The following IL1RAPL1 variants were observed in gnomAD, a reference collection of about 807,000 sequenced individuals.
IL1RAPL1 encodes the protein interleukin 1 receptor accessory protein like 1.
IL1RAPL1 carries 3 observed loss-of-function variants against 48.4 expected under a neutral mutation model. The ratio of observed to expected loss-of-function variants is 0.06; its 90% CI spans 0.03 to 0.16. The LOEUF (loss-of-function observed/expected upper bound fraction) is 0.16, where lower values mean the gene tolerates loss of function less well. Ranked by LOEUF, IL1RAPL1 falls within the 10% of genes least tolerant of loss-of-function variation. The pLI is 1.00. For missense variants in IL1RAPL1, 349 were observed against 530.6 expected (o/e 0.66, Z 3.36); for synonymous variants, 185 against 187.7 (o/e 0.99, Z 0.12).
intron 2 of IL1RAPL1, among the ~76,000 whole-genome samples, chrX:29,200,688 C>A (rs1209238993): frequency 9.0e-6 from 1 of 111,550 alleles, no homozygotes. Flanking sequence ...GTAATGATTG[C>A]TTTCTCTACT....
At chrX:29,134,671 G>T (rs767844165) in intron 2 of IL1RAPL1, among the ~76,000 whole-genome samples, 1 of 110,818 alleles carries the variant, frequency 9.0e-6, no homozygotes, top group Non-Finnish European at 1.9e-5. Flanking sequence ...AATCCCTCAG[G>T]ACTCAAAAAG....
chrX:28,785,554 C>G lies in IL1RAPL1; in HGVS notation c.-24-3766C>G, dbSNP rs148560730. On this transcript the variant is annotated intron_variant, in intron 1 of 10. Transcript: ENST00000378993. ...CTGTGGCTTGCTTTTCTCACTTTTT[C>G]TCCCTCTTGATTCATTTTGCCTGTC... 2.6e-3 allele frequency among the ~76,000 whole-genome samples: 286 copies of G among 111,948 alleles called. 2 individuals carry two copies. Among genetic ancestry groups the G allele is most frequent in the African/African-American group, 8.9e-3 (274 of 30,883 alleles).
chrX:29,409,120 A>G (rs1305878322), intron 5 of IL1RAPL1, among the ~76,000 whole-genome samples: 2 of 111,726 alleles, frequency 1.8e-5, no homozygotes, highest in East Asian at 2.8e-4. Flanking sequence ...AAATTACTTC[A>G]TGGATTAAAG....
At chrX:29,880,790 G>A (rs1490489122) in intron 6 of IL1RAPL1, among the ~76,000 whole-genome samples, 1 of 111,132 alleles carries the variant, frequency 9.0e-6, no homozygotes, top group Admixed American at 9.6e-5. Flanking sequence ...TTTGCTGAAG[G>A]AGTTTTTAAA....
At chrX:29,027,938 G>A (rs1409834122) in intron 2 of IL1RAPL1, among the ~76,000 whole-genome samples, 1 of 109,895 alleles carries the variant, frequency 9.1e-6, no homozygotes, top group Non-Finnish European at 1.9e-5. Context: ...GTGTGTGTGT[G>A]TGTGTGTGTG....
intron 2 of IL1RAPL1, among the ~76,000 whole-genome samples, chrX:28,862,975 C>T (rs993231978): frequency 3.6e-5 from 4 of 110,511 alleles, no homozygotes; most frequent in African/African-American, 6.6e-5. Context: ...TCCGCCTCCC[C>T]GGTTCAAGTG....
At chrX:29,529,422 T>A (rs1180664127) in intron 5 of IL1RAPL1, among the ~76,000 whole-genome samples, 1 of 109,465 alleles carries the variant, frequency 9.1e-6, no homozygotes. Context: ...GGTGAAACCC[T>A]GTTGCTACTA....
At chrX:29,038,142 G>A (rs912929167) in intron 2 of IL1RAPL1, among the ~76,000 whole-genome samples, 5 of 111,690 alleles carry the variant, frequency 4.5e-5, no homozygotes, top group African/African-American at 1.3e-4. Flanking sequence ...ACTTCATGGC[G>A]CATCAAGTAC....
chrX:29,557,707 C>A (rs1353094574), intron 5 of IL1RAPL1, among the ~76,000 whole-genome samples: 1 of 111,561 alleles, frequency 9.0e-6, no homozygotes, highest in African/African-American at 3.3e-5. Flanking sequence ...AACCTCCATT[C>A]TACTTTCTGC....
chrX:28,876,244 T>C (rs979204033), intron 2 of IL1RAPL1, among the ~76,000 whole-genome samples: 1 of 111,847 alleles, frequency 8.9e-6, no homozygotes, highest in Non-Finnish European at 1.9e-5. Flanking sequence ...CCAAGTGGAA[T>C]GCTCCTGGTC....
At chrX:29,709,941 T>TA (rs1339929912) in intron 6 of IL1RAPL1, among the ~76,000 whole-genome samples, 3 of 112,133 alleles carry the variant, frequency 2.7e-5, no homozygotes, top group Non-Finnish European at 5.6e-5. Flanking sequence ...ATGAAATTAT[T>TA]AATTTCTTTT....
At chrX:29,410,012 G>C in intron 5 of IL1RAPL1, among the ~76,000 whole-genome samples, 1 of 109,652 alleles carries the variant, frequency 9.1e-6, no homozygotes, top group Non-Finnish European at 1.9e-5. Flanking sequence ...AGTAGAGACG[G>C]GTTTTCTCCA....
chrX:29,044,991 C>G (rs1208021909), intron 2 of IL1RAPL1, among the ~76,000 whole-genome samples: 3 of 111,720 alleles, frequency 2.7e-5, no homozygotes, highest in Non-Finnish European at 5.6e-5. Context: ...TTAATAAATA[C>G]TTAAATATTT....
chrX:29,367,909 A>G (rs1411691277), intron 3 of IL1RAPL1, among the ~76,000 whole-genome samples: 3 of 109,699 alleles, frequency 2.7e-5, no homozygotes, highest in Non-Finnish European at 1.9e-5. Context: ...AAAAATTTAT[A>G]TATATATCTT....
intron 3 of IL1RAPL1, among the ~76,000 whole-genome samples, chrX:29,310,323 C>G (rs961145334): frequency 4.8e-5 from 5 of 104,543 alleles, no homozygotes; most frequent in African/African-American, 1.6e-4. Flanking sequence ...GACTTCTTTT[C>G]TCTTATATTA....
chrX:29,624,028 A>T (rs966242553), intron 5 of IL1RAPL1, among the ~76,000 whole-genome samples: 9 of 112,220 alleles, frequency 8.0e-5, no homozygotes, highest in African/African-American at 2.9e-4. Flanking sequence ...TTTGAAAATT[A>T]TTCTATTTTA....
intron 2 of IL1RAPL1, among the ~76,000 whole-genome samples, chrX:28,885,608 G>A (rs62587528): frequency 0.011 from 1,220 of 111,716 alleles, 8 homozygotes; most frequent in Non-Finnish European, 0.018. Flanking sequence ...GAACACCGTA[G>A]TATTTATGGT....
At chrX:29,526,535 TCAAA>T (rs1347672471) in intron 5 of IL1RAPL1, among the ~76,000 whole-genome samples, 13 of 111,724 alleles carry the variant, frequency 1.2e-4, no homozygotes, top group African/African-American at 3.9e-4. Context: ...CAAATGTAGC[TCAAA>T]CAATGAAATA....
intron 9 of IL1RAPL1, among the ~76,000 whole-genome samples, chrX:29,948,630 T>C (rs951637689): frequency 9.0e-6 from 1 of 111,088 alleles, no homozygotes; most frequent in African/African-American, 3.3e-5. Flanking sequence ...TCAAATTTTA[T>C]CAATGCAAAT....
Sources: allele counts gnomAD v4.1 joint callset (sites outside exome capture counted in the v4.1 genomes callset), GRCh38; gene constraint gnomAD v4.1.1; transcripts MANE v1.5; gene names NCBI Gene and HGNC (gene_info 2026-07-23, HGNC 2026-07-21).